DYNC1H1: variants seen among roughly 807,000 people sequenced by gnomAD.
DYNC1H1 encodes dynein cytoplasmic 1 heavy chain 1, also known as cytoplasmic dynein 1 heavy chain 1.
A neutral mutation model predicts 527.1 loss-of-function variants in DYNC1H1; 51 were observed. That is an observed-to-expected ratio of 0.10 (90% confidence interval 0.08 to 0.12). The LOEUF (loss-of-function observed/expected upper bound fraction) is 0.12. Ranked by LOEUF, DYNC1H1 falls within the 10% of genes least tolerant of loss-of-function variation. DYNC1H1 has a pLI of 1.00. For synonymous variants in DYNC1H1, 2,189 were observed against 2,278.8 expected, an observed-to-expected ratio of 0.96 and a Z score of 1.12; for missense variants, 2,771 against 5,971.8, an observed-to-expected ratio of 0.46 and a Z score of 17.66.
chr14:102,039,832 T>C lies in DYNC1H1; in HGVS notation c.11690+100T>C. On this transcript the variant is annotated intron_variant, in intron 62 of 77. Coordinates refer to ENST00000360184, the MANE Select transcript of DYNC1H1 (RefSeq NM_001376.5). The surrounding 1 kb of genome is among the most constrained non-coding windows in gnomAD (Gnocchi z 7.0). ...TTTTATTATTTCTTTTATTTTCTCT[T>C]TTATTTTCTTTATTTTATTTTTTGA... 1 of 955,584 alleles carries C rather than the reference T, an allele frequency of 1.0e-6. No homozygotes were observed. The highest frequency in any genetic ancestry group is 4.2e-5 in the East Asian group (1 of 23,814). 59.2% of individuals were successfully genotyped at this position (955,584 alleles called of 1,614,324 possible).
chr14:102,035,013 G>A (rs1257431424), intron 56 of DYNC1H1: 2 of 187,298 alleles, frequency 1.1e-5, no homozygotes, highest in South Asian at 1.1e-4. Flanking sequence ...GGCAGATCAC[G>A]AAGTCAGGAG....
rs1356375319 is a variant in DYNC1H1, at chr14:101,997,329, G to A, written c.3804+55G>A. On this transcript the variant is annotated intron_variant, in intron 16 of 77. Transcript: ENST00000360184. This position sits in a 1 kb window ranked among gnomAD's most constrained non-coding sequence, Gnocchi z 4.8. Reference sequence around the variant, plus strand: ...ACTCCTCACCCAGCAGTGTGATTTGGTGACTTTCTTTCAAGCCTAAAAGGC... The same window carrying A: ...ACTCCTCACCCAGCAGTGTGATTTGATGACTTTCTTTCAAGCCTAAAAGGC... 2 of 1,612,732 alleles carry A rather than the reference G, an allele frequency of 1.2e-6. No homozygotes were observed. Among genetic ancestry groups the A allele is most frequent in the Non-Finnish European group, 1.7e-6 (2 of 1,179,702 alleles).
rs1357034884 is a variant in DYNC1H1 at position 102,048,040 on chromosome 14, G to A, written c.13218+12G>A. Reference sequence around the variant, plus strand: ...TGGAGAATATCAAGGTAGCTGGGAGGGTGGCGGGCCGGCCAGGTCTCAAGG... The same window carrying A: ...TGGAGAATATCAAGGTAGCTGGGAGAGTGGCGGGCCGGCCAGGTCTCAAGG... On this transcript the variant is annotated intron_variant, in intron 73 of 77. Transcript: ENST00000360184. 1.2e-6 allele frequency: 2 copies of A among 1,606,158 alleles called. No individual in the cohort carries two copies. Among genetic ancestry groups the A allele is most frequent in the South Asian group, 1.1e-5 (1 of 90,618 alleles).
In DYNC1H1 at chr14:101,979,639, T is replaced by C; in HGVS notation, c.519-80T>C. ...TATTAATAAATATGTGTGTCATTAC[T>C]ATTTGACAGACCTGAAATGATGGGA... On this transcript the variant is annotated intron_variant, in intron 3 of 77. Coordinates refer to ENST00000360184, the MANE Select transcript of DYNC1H1 (RefSeq NM_001376.5). This position sits in a 1 kb window ranked among gnomAD's most constrained non-coding sequence, Gnocchi z 4.6. The C allele has an allele frequency of 1.2e-6, 2 of 1,608,510 alleles. No homozygotes were observed. Among genetic ancestry groups the C allele is most frequent in the Non-Finnish European group, 1.7e-6 (2 of 1,176,866 alleles).
In DYNC1H1 at chr14:102,038,371, C is replaced by T; in HGVS notation, c.10909-89C>T. The T allele has an allele frequency of 1.3e-6, 2 of 1,556,318 alleles. No individual in the cohort carries two copies. The highest frequency in any genetic ancestry group is 8.6e-7 in the Non-Finnish European group (1 of 1,156,410). On this transcript the variant is annotated intron_variant, in intron 57 of 77. Coordinates refer to ENST00000360184, the MANE Select transcript of DYNC1H1 (RefSeq NM_001376.5). The surrounding 1 kb of genome is among the most constrained non-coding windows in gnomAD (Gnocchi z 7.2). ...GGCGGGTGGCTTTTGGGAAGGTATG[C>T]TTATCCAGAGTAGGACAGCAACATA... is the stretch of plus-strand genomic sequence containing the variant.
At chr14:102,034,526 C>T in intron 56 of DYNC1H1, 74 bp downstream of exon 56, 2 of 1,606,790 alleles carry the variant, frequency 1.2e-6, no homozygotes, top group Non-Finnish European at 1.7e-6. Context: ...CAAAATACAC[C>T]CTTGTTTGAA....
At position 102,002,141 on chromosome 14, in the gene DYNC1H1, C is replaced by T. The variant is rs1382971809; in HGVS notation, c.4543-396C>T. Among the ~76,000 whole-genome samples the T allele has an allele frequency of 1.3e-5, 2 of 148,978 alleles. No individual in the cohort carries two copies. Among genetic ancestry groups the T allele is most frequent in the Non-Finnish European group, 3.0e-5 (2 of 67,512 alleles). ...TTTTTCTTTTTTTGAGATGGAGTCT[C>T]GCTCTGTCACCCAGGCTGGAGTGCA... On this transcript the variant is annotated intron_variant, in intron 21 of 77. Coordinates refer to ENST00000360184, the MANE Select transcript of DYNC1H1 (RefSeq NM_001376.5). This position sits in a 1 kb window ranked among gnomAD's most constrained non-coding sequence, Gnocchi z 4.4.
At chr14:102,019,823 T>G (rs2048365050) in intron 41 of DYNC1H1, 70 bp from the exon 42 acceptor site, 2 of 1,597,338 alleles carry the variant, frequency 1.3e-6, no homozygotes, top group Non-Finnish European at 1.7e-6. Flanking sequence ...TTTGCCACAT[T>G]TTACCTTTTG....
chr14:102,000,622 T>A (rs2048119257), intron 18 of DYNC1H1: 1 of 524,122 alleles, frequency 1.9e-6, no homozygotes, highest in Non-Finnish European at 3.4e-6. Flanking sequence ...TTGCCCAGGC[T>A]GGAGTGCAAT....
Position 102,015,949 on chromosome 14 carries a change from A to T in DYNC1H1, c.7336A>T (p.Ile2446Phe), listed in dbSNP as rs1231375066. ...ALEHAFQLEHIMDLTRLRCLG... is the reference protein window; with the variant it reads ...ALEHAFQLEHFMDLTRLRCLG... ...AGAGCACGCCTTCCAGCTGGAGCACATCATGGACCTAACACGCCTGCGCTG... is the reference window on the plus strand; with the variant it reads ...AGAGCACGCCTTCCAGCTGGAGCACTTCATGGACCTAACACGCCTGCGCTG... The change falls in exon 36 of 78, where the codon ATC becomes TTC. Residue 2446 changes from isoleucine to phenylalanine, a missense_variant. Ile to Phe is a conservative substitution (Grantham distance 21). Coordinates refer to ENST00000360184, the MANE Select transcript of DYNC1H1 (RefSeq NM_001376.5). This position sits in a 1 kb window ranked among gnomAD's most constrained non-coding sequence, Gnocchi z 6.9. The T allele has an allele frequency of 1.9e-6, 3 of 1,614,088 alleles. No individual in the cohort carries two copies. Among genetic ancestry groups the T allele is most frequent in the Non-Finnish European group, 2.5e-6 (3 of 1,180,050 alleles).
In DYNC1H1 at chr14:102,017,049, G is replaced by A. The variant is rs2048331667; in HGVS notation, c.7849-39G>A. 1.9e-6 allele frequency: 3 copies of A among 1,614,122 alleles called. No homozygotes were observed. The highest frequency in any genetic ancestry group is 8.5e-7 in the Non-Finnish European group (1 of 1,180,042). ...CAGACCTTTTGGTGCTGAGCATGGG[G>A]TTGGTCTTACAGTGTGGTTTTGTGT... On this transcript the variant is annotated intron_variant, in intron 38 of 77. Transcript: ENST00000360184. The surrounding 1 kb of genome is among the most constrained non-coding windows in gnomAD (Gnocchi z 4.6).
At chr14:102,037,109 A>AG (rs993351916) in intron 57 of DYNC1H1, 131 of 201,144 alleles carry the variant, frequency 6.5e-4, no homozygotes, top group East Asian at 2.5e-3. Context: ...AAAAAAAAAA[A>AG]ATTATATTCA....
At chr14:101,994,950 G>T (rs760387079) in intron 13 of DYNC1H1, 36 bp from the exon 14 acceptor site, 5 of 1,613,168 alleles carry the variant, frequency 3.1e-6, no homozygotes, top group African/African-American at 1.3e-5. Flanking sequence ...CAGCAGGAAA[G>T]AGCTGATGAT....
In DYNC1H1 at chr14:102,028,049, A is replaced by G. The variant is rs2152589343; in HGVS notation, c.9376A>G (p.Met3126Val). 3 of 1,614,216 alleles carry G rather than the reference A, an allele frequency of 1.9e-6. No homozygotes were observed. Among genetic ancestry groups the G allele is most frequent in the East Asian group, 4.5e-5 (2 of 44,884 alleles). ...EKPNYIVPDY[M>V]PVVYDKLPQP... The stretch of plus-strand genomic sequence containing the variant: ...GCCAAATTACATCGTGCCTGATTAC[A>G]TGCCAGTTGTGTATGATAAGCTGCC... Residue 3126 changes from methionine (M) to valine (V), a missense_variant, in exon 48 of 78, where the codon ATG (methionine) becomes GTG (valine). Met to Val is a conservative substitution (Grantham distance 21, BLOSUM62 1). Coordinates refer to ENST00000360184, the MANE Select transcript of DYNC1H1 (RefSeq NM_001376.5).
At chr14:102,021,058 G>T (rs1250607028) in intron 42 of DYNC1H1, among the ~76,000 whole-genome samples, 1 of 152,044 alleles carries the variant, frequency 6.6e-6, no homozygotes, top group Admixed American at 6.6e-5. Flanking sequence ...TGCTATGTCA[G>T]CTACCTTCAC....
chr14:102,041,529 A>T lies in DYNC1H1; in HGVS notation c.11942-45A>T. The T allele has an allele frequency of 3.7e-6, 6 of 1,612,492 alleles. No homozygotes were observed. Among genetic ancestry groups the T allele is most frequent in the Non-Finnish European group, 5.1e-6 (6 of 1,179,898 alleles). ...GTCCAGGCAGGGGAGGGCGTCTCTG[A>T]GTCCATGCTTCCACCCAGCACCCAC... is the stretch of plus-strand genomic sequence containing the variant. On this transcript the variant is annotated intron_variant, in intron 64 of 77. Transcript: ENST00000360184. This position sits in a 1 kb window ranked among gnomAD's most constrained non-coding sequence, Gnocchi z 4.5.
chr14:101,989,738 T>A (rs1285354246), intron 10 of DYNC1H1, among the ~76,000 whole-genome samples: 1 of 152,232 alleles, frequency 6.6e-6, no homozygotes, highest in Non-Finnish European at 1.5e-5. Context: ...ATTACTATTA[T>A]TGGATATTCA....
In DYNC1H1 at chr14:102,036,703, G is replaced by A; in HGVS notation, c.10908+61G>A. On this transcript the variant is annotated intron_variant, in intron 57 of 77. Coordinates refer to ENST00000360184, the MANE Select transcript of DYNC1H1 (RefSeq NM_001376.5). This position sits in a 1 kb window ranked among gnomAD's most constrained non-coding sequence, Gnocchi z 5.6. ...TTCAAGAGTGAATTCCTTTTTGGGGGCTGCCTTTAGTTTTCAACTTTGTAA... is the reference window on the plus strand; with the variant it reads ...TTCAAGAGTGAATTCCTTTTTGGGGACTGCCTTTAGTTTTCAACTTTGTAA... 6.2e-7 allele frequency: 1 copy of A among 1,606,060 alleles called. No individual in the cohort carries two copies. Among genetic ancestry groups the A allele is most frequent in the Non-Finnish European group, 8.5e-7 (1 of 1,174,346 alleles).
chr14:102,048,936 G>A (rs1024890578), intron 74 of DYNC1H1: 6 of 505,686 alleles, frequency 1.2e-5, no homozygotes, highest in South Asian at 6.1e-5. Flanking sequence ...CTTCCAAGAC[G>A]ACAGTGAATG....
Sources: allele counts gnomAD v4.1 joint callset (sites outside exome capture counted in the v4.1 genomes callset), GRCh38; gene constraint gnomAD v4.1.1; non-coding constraint Gnocchi (gnomAD v3.1); transcripts MANE v1.5; gene names NCBI Gene and HGNC (gene_info 2026-07-23, HGNC 2026-07-21).